LAMA3: variants seen among roughly 807,000 people sequenced by gnomAD.
LAMA3 encodes laminin subunit alpha 3, also known as laminin subunit alpha-3.
A neutral mutation model predicts 402.0 loss-of-function variants in LAMA3; 281 were observed. The ratio of observed to expected loss-of-function variants is 0.70; its 90% CI spans 0.63 to 0.77. The LOEUF is 0.77. Among genes scored for constraint, LAMA3 ranks in the 30% least tolerant of loss-of-function variants. The pLI, the probability that LAMA3 is intolerant of heterozygous loss-of-function variation, is 0.00. For synonymous variants in LAMA3, 1,431 were observed against 1,558.4 expected (o/e 0.92, Z 1.93); for missense variants, 3,840 against 4,215.5 (o/e 0.91, Z 2.47).
At chr18:23,774,717 C>G (rs1049689553) in intron 9 of LAMA3, among the ~76,000 whole-genome samples, 4 of 152,154 alleles carry the variant, frequency 2.6e-5, no homozygotes, top group Admixed American at 2.6e-4. Context: ...ATCCTGTGCC[C>G]ACTCCATGAT....
chr18:23,920,805 A>G (rs750433807), intron 60 of LAMA3, 130 bp from the exon 61 acceptor site: 3 of 1,070,128 alleles, frequency 2.8e-6, no homozygotes, highest in Non-Finnish European at 4.3e-6. Context: ...TTGCAGCACC[A>G]TTATCCCTTT....
At chr18:23,912,139 G>GTT (rs35301452) in intron 55 of LAMA3, among the ~76,000 whole-genome samples, 157 of 140,334 alleles carry the variant, frequency 1.1e-3, no homozygotes, top group Non-Finnish European at 1.7e-3. Context: ...GATATATATA[G>GTT]TTTTTTTTTT....
At chr18:23,912,247 C>T (rs1385592041) in intron 55 of LAMA3, among the ~76,000 whole-genome samples, 1 of 151,058 alleles carries the variant, frequency 6.6e-6, no homozygotes, top group Non-Finnish European at 1.5e-5. Context: ...GATCCTCCCA[C>T]CTCAGCCTCC....
At chr18:23,760,186 T>G (rs1479718116) in intron 7 of LAMA3, among the ~76,000 whole-genome samples, 1 of 152,228 alleles carries the variant, frequency 6.6e-6, no homozygotes, top group Non-Finnish European at 1.5e-5. Context: ...GTTTTTATCC[T>G]TTTAAAATGT....
intron 2 of LAMA3, among the ~76,000 whole-genome samples, chr18:23,727,261 T>C (rs568121893): frequency 6.6e-6 from 1 of 152,338 alleles, no homozygotes; most frequent in South Asian, 2.1e-4. Context: ...CTCTTTTAAA[T>C]TGTTTTAAGG....
At position 23,914,427 on chromosome 18, in the gene LAMA3, C is replaced by T. The variant is rs776109374; in HGVS notation, c.7347C>T (p.Ile2449=). 13 of 1,614,030 alleles carry T rather than the reference C, an allele frequency of 8.1e-6. No homozygotes were observed. The highest frequency in any genetic ancestry group is 4.0e-5 in the African/African-American group (3 of 74,914). The change falls in exon 57 of 75, where the codon ATC becomes ATT. Residue 2449 remains isoleucine (I), a synonymous_variant. Transcript: ENST00000313654. ...GTCTCCAGGCCTCCCGGGACTACAT[C>T]GGCATGGCAGTTGTGGATGGCCAGC... is the stretch of plus-strand genomic sequence containing the variant. ...LGNKDASRDY[I]GMAVVDGQLT...
chr18:23,713,304 C>T (rs1021035860), intron 1 of LAMA3, among the ~76,000 whole-genome samples: 1 of 152,198 alleles, frequency 6.6e-6, no homozygotes, highest in African/African-American at 2.4e-5. Context: ...GGTTCCTCTA[C>T]CTGGAATGCT....
intron 12 of LAMA3, among the ~76,000 whole-genome samples, chr18:23,808,490 C>T (rs2063006820): frequency 6.6e-6 from 1 of 152,168 alleles, no homozygotes; most frequent in Non-Finnish European, 1.5e-5. Context: ...TCCACCGTAA[C>T]ACCTAGCAAG....
chr18:23,816,306 G>A, intron 17 of LAMA3, 82 bp from the exon 18 acceptor site: 1 of 1,046,600 alleles, frequency 9.6e-7, no homozygotes, highest in Non-Finnish European at 1.5e-6. Context: ...GGGATGGTCA[G>A]TTTTCCTTTC....
intron 2 of LAMA3, among the ~76,000 whole-genome samples, chr18:23,725,287 T>C (rs2061279740): frequency 1.3e-5 from 2 of 152,288 alleles, no homozygotes; most frequent in South Asian, 4.1e-4. Context: ...TCTTTTGTAT[T>C]TTTAGTAGAG....
At chr18:23,782,753 G>A (rs1032074934) in intron 11 of LAMA3, among the ~76,000 whole-genome samples, 1 of 150,686 alleles carries the variant, frequency 6.6e-6, no homozygotes, top group African/African-American at 2.4e-5. Context: ...CTGCTTCCCT[G>A]GCTGTGTGAA....
intron 63 of LAMA3, 44 bp from the exon 64 acceptor site, chr18:23,928,581 A>G: frequency 6.2e-7 from 1 of 1,602,324 alleles, no homozygotes; most frequent in Non-Finnish European, 8.6e-7. Flanking sequence ...TTCAGCCAAG[A>G]AATGATTACA....
At chr18:23,699,049 AGAGAG>A (rs2060741832) in intron 1 of LAMA3, among the ~76,000 whole-genome samples, 1 of 151,760 alleles carries the variant, frequency 6.6e-6, no homozygotes, top group South Asian at 2.1e-4. Context: ...AGAGAGAGAG[AGAGAG>A]AAAGAAAAGA....
chr18:23,946,076 A>C (rs955254915), intron 69 of LAMA3, 68 bp from the exon 70 acceptor site: 4 of 1,482,074 alleles, frequency 2.7e-6, no homozygotes, highest in Non-Finnish European at 3.8e-6. Flanking sequence ...GGCCACTAAT[A>C]TTTAATAAAA....
intron 70 of LAMA3, among the ~76,000 whole-genome samples, chr18:23,948,927 A>G (rs184201491): frequency 5.3e-5 from 8 of 152,352 alleles, no homozygotes; most frequent in Admixed American, 5.2e-4. Context: ...GTAGGATTCC[A>G]GAGTCCTAAA....
intron 7 of LAMA3, among the ~76,000 whole-genome samples, chr18:23,762,443 G>C (rs2061987845): frequency 6.6e-6 from 1 of 151,558 alleles, no homozygotes; most frequent in Admixed American, 6.6e-5. Context: ...ACTAAGGTTA[G>C]CTGGGTGTGG....
rs755908558 is a variant in LAMA3 at position 23,753,737 on chromosome 18, A to G, written c.872A>G (p.Lys291Arg). Residue 291 changes from lysine to arginine, a missense_variant, in exon 6 of 75, where the codon AAG becomes AGG. Around this residue, in one of 3 missense-constraint regions of LAMA3, gnomAD observed 2,109 missense variants for 2,376.0 expected, o/e 0.89. Coordinates refer to ENST00000313654, the MANE Select transcript of LAMA3 (RefSeq NM_198129.4). ...TVTRRYYYSI[K>R]DISIGGQCVC... is the part of the protein sequence containing the mutation. ...GTTGTGCAGTATTATTACAGCATAA[A>G]GGACATCAGCATTGGTGGGCAGTGT... is the stretch of plus-strand genomic sequence containing the variant. 4.3e-6 allele frequency: 7 copies of G among 1,613,446 alleles called. No homozygotes were observed. The highest frequency in any genetic ancestry group is 3.3e-5 in the Admixed American group (2 of 60,010).
intron 70 of LAMA3, among the ~76,000 whole-genome samples, chr18:23,948,639 G>A (rs3786414): frequency 0.15 from 23,175 of 150,834 alleles, 2,749 homozygotes; most frequent in East Asian, 0.6. Flanking sequence ...GTACGATCTC[G>A]GCTCACTGCA....
chr18:23,773,631 G>A, intron 9 of LAMA3, 44 bp downstream of exon 9: 1 of 1,281,178 alleles, frequency 7.8e-7, no homozygotes, highest in Non-Finnish European at 1.1e-6. Flanking sequence ...TGTGTGTACT[G>A]CCTCAGCGAA....
Sources: gnomAD v4.1 joint callset for allele counts (sites outside exome capture counted in the v4.1 genomes callset) on GRCh38, gnomAD v4.1.1 for gene constraint, gnomAD v4.1.1 regional missense constraint, MANE v1.5 for transcripts, NCBI Gene and HGNC (gene_info 2026-07-23, HGNC 2026-07-21) for gene names.